The following FBXL7 variants were observed in gnomAD, a reference collection of about 807,000 sequenced individuals.
The protein encoded by FBXL7 is F-box and leucine rich repeat protein 7, also known as F-box/LRR-repeat protein 7.
FBXL7 carries 12 observed loss-of-function variants against 38.3 expected under a neutral mutation model. That is an observed-to-expected ratio of 0.31 (90% CI 0.20 to 0.51). FBXL7 has a LOEUF of 0.51. Ranked by LOEUF, FBXL7 falls within the 20% of genes least tolerant of loss-of-function variation. The pLI is 0.98. For synonymous variants in FBXL7, 297 were observed against 300.9 expected (o/e 0.99, Z 0.13); for missense variants, 567 against 676.4 (o/e 0.84, Z 1.79).
At chr5:15,569,336 T>G (rs1330238905) in intron 1 of FBXL7, among the ~76,000 whole-genome samples, 10 of 150,756 alleles carry the variant, frequency 6.6e-5, no homozygotes, top group East Asian at 1.9e-4. Context: ...CTAGGTATTT[T>G]ATTCTCTTTG....
intron 2 of FBXL7, among the ~76,000 whole-genome samples, chr5:15,848,660 G>A (rs1414261843): frequency 1.3e-5 from 2 of 152,156 alleles, no homozygotes; most frequent in South Asian, 2.1e-4. Flanking sequence ...GATTACAAGC[G>A]TGAGCCACCA....
intron 2 of FBXL7, among the ~76,000 whole-genome samples, chr5:15,628,352 A>G (rs1411969660): frequency 6.6e-6 from 1 of 152,320 alleles, no homozygotes; most frequent in Non-Finnish European, 1.5e-5. Context: ...AGGGTGAAGA[A>G]GGAGATGGAC....
At chr5:15,802,377 C>T (rs904915688) in intron 2 of FBXL7, among the ~76,000 whole-genome samples, 2 of 152,052 alleles carry the variant, frequency 1.3e-5, no homozygotes, top group African/African-American at 2.4e-5. Flanking sequence ...ATGACCACCC[C>T]CACCCCGCCC....
chr5:15,857,911 T>C (rs533972359), intron 2 of FBXL7, among the ~76,000 whole-genome samples: 4 of 152,310 alleles, frequency 2.6e-5, no homozygotes, highest in African/African-American at 7.2e-5. Context: ...AATTATTGAA[T>C]GTGTATGTTT....
intron 2 of FBXL7, among the ~76,000 whole-genome samples, chr5:15,722,388 C>A (rs181749698): frequency 6.6e-6 from 1 of 152,278 alleles, no homozygotes; most frequent in Non-Finnish European, 1.5e-5. Flanking sequence ...CTGGACATAA[C>A]AGCCTGCACG....
intron 2 of FBXL7, among the ~76,000 whole-genome samples, chr5:15,780,625 G>T (rs1332124938): frequency 6.6e-6 from 1 of 152,152 alleles, no homozygotes; most frequent in Admixed American, 6.6e-5. Flanking sequence ...GCTTGTCAAA[G>T]CAAGTGGAGT....
At chr5:15,746,841 AT>A (rs2083625029) in intron 2 of FBXL7, among the ~76,000 whole-genome samples, 1 of 152,106 alleles carries the variant, frequency 6.6e-6, no homozygotes, top group Non-Finnish European at 1.5e-5. Context: ...GGAAAACAAA[AT>A]TTAAGGAAAA....
At chr5:15,817,850 G>A (rs1738060978) in intron 2 of FBXL7, among the ~76,000 whole-genome samples, 1 of 152,108 alleles carries the variant, frequency 6.6e-6, no homozygotes, top group East Asian at 1.9e-4. Flanking sequence ...ACAGCAGTAT[G>A]AAAACGAACT....
At chr5:15,853,924 A>C (rs950812259) in intron 2 of FBXL7, among the ~76,000 whole-genome samples, 6 of 152,198 alleles carry the variant, frequency 3.9e-5, no homozygotes, top group Non-Finnish European at 7.3e-5. Flanking sequence ...CTTGAATGAC[A>C]TATGGATATT....
intron 2 of FBXL7, among the ~76,000 whole-genome samples, chr5:15,901,317 G>A (rs1741228144): frequency 6.6e-6 from 1 of 152,176 alleles, no homozygotes; most frequent in South Asian, 2.1e-4. Context: ...TCTTCACGTG[G>A]TAGAAGAAGG....
chr5:15,663,939 A>G (rs1194009135), intron 2 of FBXL7, among the ~76,000 whole-genome samples: 3 of 152,098 alleles, frequency 2.0e-5, no homozygotes. Flanking sequence ...GGGTGTTTGT[A>G]CCATTTACAT....
chr5:15,822,932 C>T (rs1229643304), intron 2 of FBXL7, among the ~76,000 whole-genome samples: 1 of 152,112 alleles, frequency 6.6e-6, no homozygotes. Flanking sequence ...TGAGAATCTG[C>T]ATTTCTAGCA....
At chr5:15,521,110 A>G (rs534841990) in intron 1 of FBXL7, among the ~76,000 whole-genome samples, 1 of 152,354 alleles carries the variant, frequency 6.6e-6, no homozygotes, top group East Asian at 1.9e-4. Context: ...TAGTTGCCCG[A>G]TCTTGTGCAA....
At chr5:15,600,558 C>T (rs1739760273) in intron 1 of FBXL7, among the ~76,000 whole-genome samples, 1 of 152,102 alleles carries the variant, frequency 6.6e-6, no homozygotes, top group South Asian at 2.1e-4. Context: ...CTTCTCATTT[C>T]TTGATACAGA....
intron 2 of FBXL7, among the ~76,000 whole-genome samples, chr5:15,681,207 T>C (rs1742832572): frequency 6.6e-6 from 1 of 152,174 alleles, no homozygotes; most frequent in Admixed American, 6.5e-5. Context: ...ATTTTCAACC[T>C]CAATGTGAGG....
chr5:15,826,744 T>G (rs1034028170), intron 2 of FBXL7, among the ~76,000 whole-genome samples: 6 of 152,168 alleles, frequency 3.9e-5, no homozygotes, highest in African/African-American at 1.4e-4. Flanking sequence ...TGTGACTTTG[T>G]CTTTGCTCCA....
intron 2 of FBXL7, among the ~76,000 whole-genome samples, chr5:15,906,240 A>G (rs1741358282): frequency 6.6e-6 from 1 of 152,094 alleles, no homozygotes; most frequent in South Asian, 2.1e-4. Flanking sequence ...TATGTTATAT[A>G]GTTACATTTA....
intron 2 of FBXL7, among the ~76,000 whole-genome samples, chr5:15,859,891 AG>A (rs1739404111): frequency 6.6e-6 from 1 of 152,208 alleles, no homozygotes; most frequent in Non-Finnish European, 1.5e-5. Context: ...ACGTTGACCA[AG>A]GTTCACAATT....
chr5:15,854,252 A>G (rs922736181), intron 2 of FBXL7, among the ~76,000 whole-genome samples: 1 of 152,196 alleles, frequency 6.6e-6, no homozygotes, highest in Non-Finnish European at 1.5e-5. Context: ...ATGCAACACT[A>G]AGAAGTGTTT....
Sources: gnomAD v4.1 joint callset for allele counts (sites outside exome capture counted in the v4.1 genomes callset) on GRCh38, gnomAD v4.1.1 for gene constraint, MANE v1.5 for transcripts, NCBI Gene and HGNC (gene_info 2026-07-23, HGNC 2026-07-21) for gene names.